CMYA5: variants seen among roughly 807,000 people sequenced by gnomAD.
CMYA5 encodes the protein cardiomyopathy associated 5, also known as cardiomyopathy-associated protein 5.
CMYA5 carries 246 observed loss-of-function variants against 318.9 expected under a neutral mutation model. The observed-to-expected ratio is 0.77, with a 90% CI of 0.70 to 0.86. CMYA5 has a LOEUF of 0.86. CMYA5 is among the 40% of genes least tolerant of loss of function. The probability of loss-of-function intolerance (pLI) is 0.00; values close to 1 mark genes in which losing one functional copy is unlikely to be tolerated. For synonymous variants in CMYA5, 1,641 were observed against 1,729.5 expected, an observed-to-expected ratio of 0.95 and a Z score of 1.27; for missense variants, 4,589 against 4,678.2, an observed-to-expected ratio of 0.98 and a Z score of 0.56.
rs770794290 is a variant in CMYA5 at position 79,730,115 on chromosome 5, T to A, written c.1350T>A (p.Gly450=). 2 of 1,613,716 alleles carry A rather than the reference T, an allele frequency of 1.2e-6. No homozygotes were observed. The highest frequency in any genetic ancestry group is 2.2e-5 in the South Asian group (2 of 91,082). The part of the protein sequence containing the change: ...SPGLAASTQD[G]LDPDQEQPDL... ...GTCTGGCAGCATCTACCCAGGATGG[T>A]TTGGACCCAGACCAAGAACAGCCGG... The change falls in exon 2 of 13, where the codon GGT becomes GGA. Residue 450 remains glycine (G), a synonymous_variant. Transcript: ENST00000446378.
chr5:79,700,829 T>G (rs1319795259), intron 1 of CMYA5, among the ~76,000 whole-genome samples: 4 of 152,186 alleles, frequency 2.6e-5, no homozygotes, highest in Non-Finnish European at 5.9e-5. Context: ...TATCACATGT[T>G]CTCAGTCATT....
At chr5:79,716,596 A>G (rs1229507565) in intron 1 of CMYA5, among the ~76,000 whole-genome samples, 1 of 152,228 alleles carries the variant, frequency 6.6e-6, no homozygotes, top group Non-Finnish European at 1.5e-5. Flanking sequence ...AATTACTATC[A>G]TGCATTTTAA....
Position 79,743,939 on chromosome 5 carries a change from A to AT in CMYA5, c.10734+21dup. ...ACCATTGAGGTAAGTTAACACACCC[A>AT]TTTTACCTTAACCTGGCTTGTTCAC... On this transcript the variant is annotated intron_variant, in intron 3 of 12. Transcript: ENST00000446378. 1 of 1,298,934 alleles carries AT rather than the reference A, an allele frequency of 7.7e-7. No homozygotes were observed. The highest frequency in any genetic ancestry group is 1.1e-6 in the Non-Finnish European group (1 of 929,878). The allele number at this position is 1,298,934 out of a possible 1,614,324, so 80.5% of individuals were successfully genotyped here.
chr5:79,712,413 A>G (rs1827412888), intron 1 of CMYA5, among the ~76,000 whole-genome samples: 1 of 151,920 alleles, frequency 6.6e-6, no homozygotes, highest in Non-Finnish European at 1.5e-5. Context: ...GGGTATCACC[A>G]TGTTGGCCAG....
chr5:79,776,313 T>C (rs141621814), intron 9 of CMYA5, among the ~76,000 whole-genome samples: 114 of 152,336 alleles, frequency 7.5e-4, no homozygotes, highest in African/African-American at 2.3e-3. Context: ...AAAATTTTTA[T>C]TTACCAACTT....
intron 1 of CMYA5, 78 bp from the exon 2 acceptor site, chr5:79,728,837 A>G: frequency 1.5e-6 from 1 of 667,898 alleles, no homozygotes; most frequent in Non-Finnish European, 2.1e-6. Flanking sequence ...TTTACCTGGT[A>G]AAAATGTATT....
intron 9 of CMYA5, among the ~76,000 whole-genome samples, chr5:79,764,427 A>G (rs1360633160): frequency 2.6e-5 from 4 of 152,170 alleles, no homozygotes; most frequent in Non-Finnish European, 4.4e-5. Context: ...AATCTTTGCT[A>G]TTGTGAATAG....
chr5:79,746,075 C>A (rs759785841), intron 4 of CMYA5, among the ~76,000 whole-genome samples: 1 of 152,198 alleles, frequency 6.6e-6, no homozygotes, highest in Non-Finnish European at 1.5e-5. Context: ...CACCTCTGTG[C>A]TCCCTGCAAT....
At chr5:79,728,800 G>A (rs1827802473) in intron 1 of CMYA5, 115 bp from the exon 2 acceptor site, 1 of 456,676 alleles carries the variant, frequency 2.2e-6, no homozygotes. Flanking sequence ...CAATATTGAT[G>A]TCTGTATTTT....
In CMYA5 at chr5:79,731,245, T is replaced by G; in HGVS notation, c.2480T>G (p.Ile827Ser). 1 of 1,614,010 alleles carries G rather than the reference T, an allele frequency of 6.2e-7. No individual in the cohort carries two copies. ...NEASQFKPKG[I>S]SEHTVLSVDG... ...GCATCCCAATTCAAACCAAAAGGTA[T>G]TTCTGAGCACACAGTTCTGTCAGTA... Residue 827 changes from isoleucine to serine, a missense_variant, in exon 2 of 13, where the codon ATT becomes AGT. Ile to Ser is a moderately radical substitution (Grantham distance 142). Transcript: ENST00000446378.
chr5:79,755,846 C>A (rs1379781955), intron 6 of CMYA5, among the ~76,000 whole-genome samples: 1 of 152,140 alleles, frequency 6.6e-6, no homozygotes, highest in African/African-American at 2.4e-5. Flanking sequence ...AACCTACATA[C>A]TTTGCTTCTT....
At chr5:79,785,371 A>G (rs530340178) in intron 9 of CMYA5, among the ~76,000 whole-genome samples, 51 of 152,250 alleles carry the variant, frequency 3.3e-4, no homozygotes, top group Non-Finnish European at 5.6e-4. Flanking sequence ...TGTTAAATTT[A>G]TAGATTAACT....
intron 9 of CMYA5, among the ~76,000 whole-genome samples, chr5:79,778,817 G>GTGTGTGTGTGTGTA (rs1561228882): frequency 2.5e-4 from 28 of 112,856 alleles, no homozygotes; most frequent in Admixed American, 6.5e-4. Flanking sequence ...CTTTCTGTGT[G>GTGTGTGTGTGTGTA]TGTGTGTGTG....
intron 9 of CMYA5, among the ~76,000 whole-genome samples, chr5:79,764,837 G>GT (rs889395093): frequency 3.2e-4 from 48 of 150,910 alleles, no homozygotes; most frequent in Non-Finnish European, 3.6e-4. Context: ...TTTTGATGGG[G>GT]TTTTTTTTTC....
intron 4 of CMYA5, among the ~76,000 whole-genome samples, chr5:79,745,714 C>T (rs78462894): frequency 6.6e-6 from 1 of 152,304 alleles, no homozygotes; most frequent in East Asian, 1.9e-4. Flanking sequence ...CATTGCGTCC[C>T]ACTGGATTCA....
chr5:79,716,451 A>G (rs1394830494), intron 1 of CMYA5, among the ~76,000 whole-genome samples: 1 of 152,240 alleles, frequency 6.6e-6, no homozygotes, highest in African/African-American at 2.4e-5. Flanking sequence ...GTGCAAAAGT[A>G]ATTGCGGCTT....
chr5:79,727,856 C>T (rs898273757), intron 1 of CMYA5, among the ~76,000 whole-genome samples: 1 of 152,130 alleles, frequency 6.6e-6, no homozygotes, highest in East Asian at 1.9e-4. Flanking sequence ...CCAGCCATCT[C>T]GGAAGGGATG....
rs752763418 is a variant in CMYA5, at chr5:79,729,242, A to T, written c.477A>T (p.Gln159His). Residue 159 changes from glutamine (Q) to histidine (H), a missense_variant, in exon 2 of 13, where the codon CAA (glutamine) becomes CAT (histidine). Around this residue, in one of 3 missense-constraint regions of CMYA5, gnomAD observed 2,132 missense variants for 2,131.3 expected, o/e 1.00. Transcript: ENST00000446378. ...GNRKRNSFES[Q>H]DVPTNKKGSP... is the part of the protein sequence containing the mutation. ...GAAAAAGAAATTCTTTTGAATCCCA[A>T]GATGTTCCAACAAACAAAAAAGGCA... 6.2e-7 allele frequency: 1 copy of T among 1,612,742 alleles called. No homozygotes were observed. Among genetic ancestry groups the T allele is most frequent in the Non-Finnish European group, 8.5e-7 (1 of 1,179,610 alleles).
chr5:79,761,834 A>G lies in CMYA5; in HGVS notation c.11284A>G (p.Thr3762Ala), dbSNP rs757329248. Residue 3762 changes from threonine (T) to alanine (A), a missense_variant, in exon 8 of 13, where the codon ACA (threonine) becomes GCA (alanine). Thr to Ala is a moderately conservative substitution (Grantham distance 58). Coordinates refer to ENST00000446378, the MANE Select transcript of CMYA5 (RefSeq NM_153610.5). ...AGAGTTGGTAGAAGAATACAGACTGACAGTGAAAGAAAGCTACTGCATTTT... is the reference window on the plus strand; with the variant it reads ...AGAGTTGGTAGAAGAATACAGACTGGCAGTGAAAGAAAGCTACTGCATTTT... ...VNELVEEYRL[T>A]VKESYCIFED... 6.2e-6 allele frequency: 10 copies of G among 1,613,560 alleles called. No homozygotes were observed. The Middle Eastern group carries it at 6.6e-4, about 106-fold the overall frequency.
Sources: allele counts gnomAD v4.1 joint callset (sites outside exome capture counted in the v4.1 genomes callset), GRCh38; gene constraint gnomAD v4.1.1; regional missense constraint gnomAD v4.1.1; transcripts MANE v1.5; gene names NCBI Gene and HGNC (gene_info 2026-07-23, HGNC 2026-07-21).